Variants in IQCJ observed in about 807,000 individuals in gnomAD.
IQCJ encodes the protein IQ motif containing J, also known as IQ domain-containing protein J.
A neutral mutation model predicts 11.0 loss-of-function variants in IQCJ; 9 were observed. The ratio of observed to expected loss-of-function variants is 0.82; its 90% CI spans 0.49 to 1.43. The LOEUF is 1.43. Ranked by LOEUF, IQCJ falls within the 40% of genes most tolerant of loss-of-function variation. The pLI, the probability that IQCJ is intolerant of heterozygous loss-of-function variation, is 0.00. For missense variants in IQCJ, 146 were observed against 133.2 expected (o/e 1.10, Z -0.47); for synonymous variants, 55 against 51.3 (o/e 1.07, Z -0.31).
intron 1 of IQCJ, among the ~76,000 whole-genome samples, chr3:159,079,277 G>A (rs962764151): frequency 2.6e-5 from 4 of 152,082 alleles, no homozygotes; most frequent in African/African-American, 7.2e-5. Flanking sequence ...ACAGTAAGAC[G>A]AGGGAGCAGT....
chr3:159,152,202 G>A (rs1251509667), intron 1 of IQCJ, among the ~76,000 whole-genome samples: 2 of 152,202 alleles, frequency 1.3e-5, no homozygotes. Flanking sequence ...GTAGAAGCTA[G>A]TGAAGAACTG....
At chr3:159,102,549 G>A (rs568273397) in intron 1 of IQCJ, among the ~76,000 whole-genome samples, 1 of 152,276 alleles carries the variant, frequency 6.6e-6, no homozygotes, top group South Asian at 2.1e-4. Context: ...AATCACATGG[G>A]TCTGCATGGG....
chr3:159,134,887 A>T (rs541308623), intron 1 of IQCJ, among the ~76,000 whole-genome samples: 4 of 152,226 alleles, frequency 2.6e-5, no homozygotes, highest in Non-Finnish European at 4.4e-5. Context: ...ATAATAAAAC[A>T]TGCAACATTA....
intron 1 of IQCJ, among the ~76,000 whole-genome samples, chr3:159,242,446 A>G (rs1424169039): frequency 6.6e-6 from 1 of 152,118 alleles, no homozygotes; most frequent in African/African-American, 2.4e-5. Flanking sequence ...CTATTTTATT[A>G]TCTTTAATGT....
chr3:159,151,816 T>C (rs1232558126), intron 1 of IQCJ, among the ~76,000 whole-genome samples: 1 of 152,176 alleles, frequency 6.6e-6, no homozygotes, highest in Non-Finnish European at 1.5e-5. Context: ...TTTGTATTTT[T>C]AGTAGAGACG....
At chr3:159,244,507 A>T (rs1201399448) in intron 1 of IQCJ, among the ~76,000 whole-genome samples, 5 of 152,136 alleles carry the variant, frequency 3.3e-5, no homozygotes, top group Admixed American at 3.3e-4. Context: ...TATATACTAG[A>T]CCTCTTTTCT....
At chr3:159,131,766 A>G (rs1441806900) in intron 1 of IQCJ, among the ~76,000 whole-genome samples, 1 of 152,168 alleles carries the variant, frequency 6.6e-6, no homozygotes, top group Non-Finnish European at 1.5e-5. Flanking sequence ...CAACTGGTAC[A>G]GGTGGGAAGG....
chr3:159,084,897 G>A (rs1011405576), intron 1 of IQCJ, among the ~76,000 whole-genome samples: 2 of 133,620 alleles, frequency 1.5e-5, no homozygotes, highest in South Asian at 2.7e-4. Context: ...TTGTTATCAA[G>A]GGGAATGCAT....
intron 1 of IQCJ, among the ~76,000 whole-genome samples, chr3:159,146,159 A>G (rs1024649620): frequency 2.6e-5 from 4 of 152,174 alleles, no homozygotes; most frequent in Admixed American, 6.6e-5. Flanking sequence ...AGACCATCCC[A>G]CTATTCACTC....
chr3:159,182,912 T>C, intron 1 of IQCJ, among the ~76,000 whole-genome samples: 1 of 152,166 alleles, frequency 6.6e-6, no homozygotes, highest in Admixed American at 6.5e-5. Context: ...ATTTCATTTC[T>C]GCCTTTTAGT....
intron 1 of IQCJ, among the ~76,000 whole-genome samples, chr3:159,218,408 C>G (rs905206074): frequency 2.0e-5 from 3 of 151,418 alleles, no homozygotes; most frequent in Non-Finnish European, 4.4e-5. Context: ...TTCAAACATA[C>G]AGATAGATGC....
chr3:159,173,652 C>G (rs1438879412), intron 1 of IQCJ, among the ~76,000 whole-genome samples: 1 of 152,142 alleles, frequency 6.6e-6, no homozygotes, highest in Admixed American at 6.5e-5. Flanking sequence ...AAGATATTCT[C>G]TACTGTCTTT....
intron 1 of IQCJ, among the ~76,000 whole-genome samples, chr3:159,103,459 T>C (rs1302149148): frequency 6.6e-6 from 1 of 152,088 alleles, no homozygotes; most frequent in East Asian, 1.9e-4. Context: ...CAAAATGGAG[T>C]TGTCATAACT....
chr3:159,213,444 T>G (rs1438203754), intron 1 of IQCJ, among the ~76,000 whole-genome samples: 1 of 152,190 alleles, frequency 6.6e-6, no homozygotes, highest in Non-Finnish European at 1.5e-5. Flanking sequence ...GAAATGGATC[T>G]CAAGGCGCAT....
intron 1 of IQCJ, among the ~76,000 whole-genome samples, chr3:159,091,175 C>A (rs1188208666): frequency 1.3e-5 from 2 of 151,574 alleles, no homozygotes; most frequent in African/African-American, 4.9e-5. Flanking sequence ...AAAGAATGCT[C>A]CTGGATGAAA....
chr3:159,162,612 C>A (rs1450217530), intron 1 of IQCJ, among the ~76,000 whole-genome samples: 4 of 151,914 alleles, frequency 2.6e-5, no homozygotes, highest in African/African-American at 9.7e-5. Context: ...AAAAACCCTT[C>A]AAAAAATTAA....
intron 3 of IQCJ, among the ~76,000 whole-genome samples, chr3:159,255,145 T>A (rs1285482596): frequency 6.6e-6 from 1 of 152,210 alleles, no homozygotes; most frequent in Admixed American, 6.5e-5. Flanking sequence ...TATCACAGGC[T>A]TTCTCTTAGG....
intron 1 of IQCJ, among the ~76,000 whole-genome samples, chr3:159,218,457 C>G (rs1002136945): frequency 6.6e-6 from 1 of 151,856 alleles, no homozygotes. Flanking sequence ...TGGGATGGGT[C>G]TAGAGGTCAG....
At chr3:159,080,308 C>T (rs1301043835) in intron 1 of IQCJ, among the ~76,000 whole-genome samples, 2 of 152,062 alleles carry the variant, frequency 1.3e-5, no homozygotes, top group African/African-American at 2.4e-5. Context: ...CACCCACATA[C>T]CCTTTTTAAG....
Sources: gnomAD v4.1 joint callset for allele counts (sites outside exome capture counted in the v4.1 genomes callset) on GRCh38, gnomAD v4.1.1 for gene constraint, MANE v1.5 for transcripts, NCBI Gene and HGNC (gene_info 2026-07-23, HGNC 2026-07-21) for gene names.